CTNNA2: variants seen among roughly 807,000 people sequenced by gnomAD.
CTNNA2 encodes the protein catenin alpha-2.
CTNNA2 carries 42 observed loss-of-function variants against 101.0 expected under a neutral mutation model. The ratio of observed to expected loss-of-function variants is 0.42; its 90% CI spans 0.32 to 0.54. The LOEUF (loss-of-function observed/expected upper bound fraction) is 0.54. CTNNA2 is among the 20% of genes least tolerant of loss of function. The probability of loss-of-function intolerance (pLI) is 0.14; values close to 1 mark genes in which losing one functional copy is unlikely to be tolerated. For missense variants in CTNNA2, 871 were observed against 1,223.1 expected (o/e 0.71, Z 4.29); for synonymous variants, 450 against 456.4 (o/e 0.99, Z 0.18).
intron 5 of CTNNA2, among the ~76,000 whole-genome samples, chr2:79,506,258 AT>A (rs956548167): frequency 5.9e-5 from 9 of 151,552 alleles, no homozygotes; most frequent in African/African-American, 1.9e-4. Context: ...TGGAACATAT[AT>A]TTTTTTCTAA....
intron 9 of CTNNA2, among the ~76,000 whole-genome samples, chr2:80,529,877 CA>C (rs1276105675): frequency 2.0e-5 from 3 of 152,102 alleles, no homozygotes; most frequent in Non-Finnish European, 2.9e-5. Context: ...TAAAACATTT[CA>C]CTTGTAGAGA....
At position 79,634,632 on chromosome 2, in the gene CTNNA2, T is replaced by G. The variant is rs1287415356; in HGVS notation, c.-5-16920T>G. The G allele has an allele frequency of 2.0e-5, 3 of 152,172 alleles. No individual in the cohort carries two copies. The East Asian group carries it at 5.8e-4, about 29-fold the overall frequency. 9.4% of individuals were successfully genotyped at this position (152,172 alleles called of 1,614,324 possible). A position where few individuals can be genotyped will look rare whatever the true frequency, so the allele number is the denominator to read the frequency against. On this transcript the variant is annotated intron_variant, in intron 1 of 18. Transcript: ENST00000402739. Reference sequence around the variant, plus strand: ...AGTCGAGGGAAGCATTATGTCCTCTTAAGATCGAGGGTGACACTGAACAGG... The same window carrying G: ...AGTCGAGGGAAGCATTATGTCCTCTGAAGATCGAGGGTGACACTGAACAGG...
At chr2:80,646,064 T>C (rs1674053884) in intron 18 of CTNNA2, among the ~76,000 whole-genome samples, 1 of 152,104 alleles carries the variant, frequency 6.6e-6, no homozygotes, top group South Asian at 2.1e-4. Flanking sequence ...TTGTGTTAGA[T>C]ACAACTTCTG....
chr2:79,204,243 C>G, intron 2 of CTNNA2, among the ~76,000 whole-genome samples: 1 of 152,208 alleles, frequency 6.6e-6, no homozygotes, highest in East Asian at 1.9e-4. Context: ...GAAGCTGCAG[C>G]TCAGGAATGC....
At chr2:79,251,273 A>T (rs1558587217) in intron 2 of CTNNA2, among the ~76,000 whole-genome samples, 1 of 152,096 alleles carries the variant, frequency 6.6e-6, no homozygotes, top group Non-Finnish European at 1.5e-5. Context: ...CTGATCCATG[A>T]TTCAAAAAAC....
chr2:80,098,489 G>C, intron 7 of CTNNA2, among the ~76,000 whole-genome samples: 1 of 152,212 alleles, frequency 6.6e-6, no homozygotes, highest in East Asian at 1.9e-4. Context: ...CCCGTTCTCG[G>C]ATCTCAAGCT....
intron 3 of CTNNA2, among the ~76,000 whole-genome samples, chr2:79,348,514 T>G (rs1677313146): frequency 1.3e-5 from 2 of 152,214 alleles, no homozygotes; most frequent in Admixed American, 1.3e-4. Context: ...GATCTAGATG[T>G]GGAGACAGCA....
chr2:79,237,629 T>G (rs1674573338), intron 2 of CTNNA2, among the ~76,000 whole-genome samples: 1 of 152,228 alleles, frequency 6.6e-6, no homozygotes, highest in Non-Finnish European at 1.5e-5. Flanking sequence ...TTGCTTAGTT[T>G]CAATATTTTC....
intron 7 of CTNNA2, among the ~76,000 whole-genome samples, chr2:80,180,391 A>G (rs1050232749): frequency 6.6e-6 from 1 of 152,166 alleles, no homozygotes; most frequent in African/African-American, 2.4e-5. Flanking sequence ...CTTGCTGTCA[A>G]TTTCAGTTCT....
intron 4 of CTNNA2, among the ~76,000 whole-genome samples, chr2:79,450,852 A>G (rs1670735826): frequency 1.3e-5 from 2 of 152,092 alleles, no homozygotes; most frequent in Admixed American, 1.3e-4. Context: ...AAAACAAGAT[A>G]ATTATTATCC....
chr2:79,910,704 C>A (rs566353981), intron 7 of CTNNA2, among the ~76,000 whole-genome samples: 1 of 152,310 alleles, frequency 6.6e-6, no homozygotes, highest in African/African-American at 2.4e-5. Flanking sequence ...CACTGAAAAT[C>A]TGCTCACAGC....
At chr2:80,045,544 C>T (rs10865450) in intron 7 of CTNNA2, among the ~76,000 whole-genome samples, 72,044 of 151,936 alleles carry the variant, frequency 0.47, 18,376 homozygotes, top group East Asian at 0.88. Flanking sequence ...TTACAGTGAA[C>T]CGCAAGTTAC....
At chr2:80,623,489 G>A (rs1191990758) in intron 18 of CTNNA2, among the ~76,000 whole-genome samples, 1 of 151,896 alleles carries the variant, frequency 6.6e-6, no homozygotes, top group African/African-American at 2.4e-5. Flanking sequence ...GATAACTGAA[G>A]CTGAAAATGT....
At chr2:80,491,641 A>G (rs1687071261) in intron 9 of CTNNA2, among the ~76,000 whole-genome samples, 1 of 152,224 alleles carries the variant, frequency 6.6e-6, no homozygotes, top group Non-Finnish European at 1.5e-5. Context: ...TTATTGAGCA[A>G]CTATGAGATG....
intron 4 of CTNNA2, among the ~76,000 whole-genome samples, chr2:79,457,478 T>G (rs943003107): frequency 6.6e-6 from 1 of 152,192 alleles, no homozygotes; most frequent in African/African-American, 2.4e-5. Flanking sequence ...ATTATAAATA[T>G]AAGTGGGTCA....
intron 11 of CTNNA2, among the ~76,000 whole-genome samples, chr2:80,555,395 A>C (rs193081364): frequency 6.6e-6 from 1 of 152,334 alleles, no homozygotes; most frequent in African/African-American, 2.4e-5. Context: ...TGGCATTAGC[A>C]TCACCTGGGA....
Position 79,794,763 on chromosome 2 carries a change from T to C in CTNNA2, c.298+50181T>C, listed in dbSNP as rs566358437. 1.9e-4 allele frequency among the ~76,000 whole-genome samples: 29 copies of C among 152,342 alleles called. 1 individual carries two copies. The highest frequency in any genetic ancestry group is 3.9e-4 in the Admixed American group (6 of 15,300). On this transcript the variant is annotated intron_variant, in intron 3 of 18. Transcript: ENST00000402739. ...AGTAAGTATGTACATTCTGCCAAGA[T>C]GTAATAGGTAGGATAAATCTACCTT...
At chr2:79,963,135 C>T (rs1393738322) in intron 7 of CTNNA2, among the ~76,000 whole-genome samples, 1 of 150,496 alleles carries the variant, frequency 6.6e-6, no homozygotes, top group Non-Finnish European at 1.5e-5. Context: ...GCCATATTGC[C>T]TAAAGATTGT....
intron 9 of CTNNA2, among the ~76,000 whole-genome samples, chr2:80,444,126 A>G (rs1682856556): frequency 1.3e-5 from 2 of 152,168 alleles, no homozygotes; most frequent in Non-Finnish European, 2.9e-5. Context: ...GTGAGAAAAT[A>G]TTGGGATAGA....
Sources: allele counts gnomAD v4.1 joint callset (sites outside exome capture counted in the v4.1 genomes callset), GRCh38; gene constraint gnomAD v4.1.1; transcripts MANE v1.5; gene names NCBI Gene and HGNC (gene_info 2026-07-23, HGNC 2026-07-21).